The following NDST1 variants were observed in gnomAD, a reference collection of about 807,000 sequenced individuals.
NDST1 encodes the protein N-deacetylase and N-sulfotransferase 1.
NDST1 carries 35 observed loss-of-function variants against 92.8 expected under a neutral mutation model. The ratio of observed to expected loss-of-function variants is 0.38; its 90% CI spans 0.29 to 0.50. The LOEUF (loss-of-function observed/expected upper bound fraction) is 0.50. Among genes scored for constraint, NDST1 ranks in the 20% least tolerant of loss-of-function variants. NDST1 has a pLI of 0.94. For synonymous variants in NDST1, 493 were observed against 500.3 expected, an observed-to-expected ratio of 0.99 and a Z score of 0.19; for missense variants, 822 against 1,182.7, an observed-to-expected ratio of 0.69 and a Z score of 4.47.
upstream of NDST1, among the ~76,000 whole-genome samples, chr5:150,503,294 T>G (rs1042139258): frequency 2.0e-5 from 3 of 151,820 alleles, no homozygotes; most frequent in Admixed American, 6.6e-5. Flanking sequence ...AATACAAAAT[T>G]AGCCAGACAC....
In NDST1 at chr5:150,533,032, G is replaced by A. The variant is rs1207890832; in HGVS notation, c.1096G>A (p.Gly366Ser). The change falls in exon 4 of 15, where the codon GGT becomes AGT. Residue 366 changes from glycine to serine, a missense_variant and splice_region_variant. Physicochemically the swap from Gly to Ser is moderately conservative, Grantham distance 56. Transcript: ENST00000261797. ...CTACTCAGGGAAATTCTTCCACACA[G>A]GTAAGTGGGCCTGCCCCTGCCCTCA... is the stretch of plus-strand genomic sequence containing the variant. Reference protein sequence around the residue: ...LGYSGKFFHTGTNAEDAGDDL... With the variant: ...LGYSGKFFHTSTNAEDAGDDL... 1 of 1,614,028 alleles carries A rather than the reference G, an allele frequency of 6.2e-7. No individual in the cohort carries two copies. The highest frequency in any genetic ancestry group is 8.5e-7 in the Non-Finnish European group (1 of 1,179,910).
Position 150,548,403 on chromosome 5 carries a change from T to C in NDST1, c.2316+15T>C, listed in dbSNP as rs766385228. ...ACGCCAACCAGGTAGCTGCTGTCCC[T>C]GACCCTTGTGAGGGCAGTCACAGTA... On this transcript the variant is annotated intron_variant, in intron 12 of 14. Transcript: ENST00000261797. 1 of 1,607,236 alleles carries C rather than the reference T, an allele frequency of 6.2e-7. No homozygotes were observed. Among genetic ancestry groups the C allele is most frequent in the Non-Finnish European group, 8.5e-7 (1 of 1,179,824 alleles).
chr5:150,548,392 G>T lies in NDST1; in HGVS notation c.2316+4G>T. On this transcript the variant is annotated splice_donor_region_variant and intron_variant, in intron 12 of 14. Coordinates refer to ENST00000261797, the MANE Select transcript of NDST1 (RefSeq NM_001543.5). ...CAGTGCCTATCACGCCAACCAGGTAGCTGCTGTCCCTGACCCTTGTGAGGG... is the reference window on the plus strand; with the variant it reads ...CAGTGCCTATCACGCCAACCAGGTATCTGCTGTCCCTGACCCTTGTGAGGG... The T allele has an allele frequency of 6.2e-7, 1 of 1,609,980 alleles. No homozygotes were observed.
At chr5:150,503,181 G>GC (rs1753306052), upstream of NDST1, among the ~76,000 whole-genome samples, 1 of 152,198 alleles carries the variant, frequency 6.6e-6, no homozygotes, top group Non-Finnish European at 1.5e-5. Context: ...AGTGACTCGT[G>GC]CCTGTAATCC....
chr5:150,522,624 G>A (rs538687354), intron 2 of NDST1, among the ~76,000 whole-genome samples: 24 of 152,284 alleles, frequency 1.6e-4, no homozygotes, highest in African/African-American at 4.6e-4. Flanking sequence ...CTGTGCTAGC[G>A]GTGATCGAAG....
intron 1 of NDST1, among the ~76,000 whole-genome samples, chr5:150,499,083 G>A (rs768902513): frequency 6.6e-6 from 1 of 152,232 alleles, no homozygotes; most frequent in African/African-American, 2.4e-5. Context: ...TACCTCAGCT[G>A]CAGGGAAGTT....
intron 4 of NDST1, among the ~76,000 whole-genome samples, chr5:150,534,651 C>T (rs920422671): frequency 2.6e-5 from 4 of 152,230 alleles, no homozygotes; most frequent in African/African-American, 9.6e-5. Context: ...AGCAGATAGT[C>T]TTGGCCAAGG....
At position 150,521,902 on chromosome 5, in the gene NDST1, A is replaced by G. The variant is rs1164996262; in HGVS notation, c.513+135A>G. Reference sequence around the variant, plus strand: ...TTGGGAGGGTTAAATGAGTGAGTATATGTAAAGCACTGGGAGCATGCGGTG... The same window carrying G: ...TTGGGAGGGTTAAATGAGTGAGTATGTGTAAAGCACTGGGAGCATGCGGTG... On this transcript the variant is annotated intron_variant, in intron 2 of 14. Coordinates refer to ENST00000261797, the MANE Select transcript of NDST1 (RefSeq NM_001543.5). This position sits in a 1 kb window ranked among gnomAD's most constrained non-coding sequence, Gnocchi z 5.9. 3 of 1,178,994 alleles carry G rather than the reference A, an allele frequency of 2.5e-6. No homozygotes were observed. The African/African-American group carries it at 4.5e-5, about 18-fold the overall frequency. 73.0% of individuals were successfully genotyped at this position (1,178,994 alleles called of 1,614,324 possible). A position where few individuals can be genotyped will look rare whatever the true frequency, so the allele number is the denominator to read the frequency against.
intron 13 of NDST1, chr5:150,550,970 GTCA>G (rs138037058): frequency 0.024 from 3,678 of 152,972 alleles, 142 homozygotes; most frequent in East Asian, 0.16. Flanking sequence ...TATTGTCCTT[GTCA>G]TCATCATCAT....
At chr5:150,509,587 A>G (rs1364769861) in intron 1 of NDST1, among the ~76,000 whole-genome samples, 1 of 151,938 alleles carries the variant, frequency 6.6e-6, no homozygotes, top group African/African-American at 2.4e-5. Flanking sequence ...ATCTCGGCTC[A>G]CTGTAATCTC....
intron 1 of NDST1, among the ~76,000 whole-genome samples, chr5:150,501,021 G>A (rs938425772): frequency 1.3e-5 from 2 of 152,176 alleles, no homozygotes; most frequent in African/African-American, 4.8e-5. Context: ...CATCGTCACA[G>A]CCACCCCGGA....
At chr5:150,548,504 A>G (rs1363041995) in intron 12 of NDST1, 116 bp downstream of exon 12, 2 of 1,110,480 alleles carry the variant, frequency 1.8e-6, no homozygotes, top group Non-Finnish European at 2.6e-6. Flanking sequence ...CTCCTTGGAG[A>G]GCTAGACCCT....
chr5:150,545,529 G>A (rs373485438), intron 11 of NDST1, 43 bp downstream of exon 11: 55 of 1,607,698 alleles, frequency 3.4e-5, no homozygotes, highest in East Asian at 1.8e-4. Flanking sequence ...GGAACACAGG[G>A]CTCCGTCTGA....
upstream of NDST1, among the ~76,000 whole-genome samples, chr5:150,506,253 G>C (rs1753450790): frequency 1.3e-5 from 2 of 152,090 alleles, no homozygotes; most frequent in Admixed American, 1.3e-4. Flanking sequence ...CTGACTATAG[G>C]CACACGCCAC....
intron 1 of NDST1, among the ~76,000 whole-genome samples, chr5:150,513,946 T>G (rs1377609685): frequency 6.6e-6 from 1 of 152,240 alleles, no homozygotes; most frequent in Non-Finnish European, 1.5e-5. Context: ...GGCGTCTCCA[T>G]GACGACCAGA....
intron 1 of NDST1, among the ~76,000 whole-genome samples, chr5:150,502,399 G>A (rs1166160096): frequency 6.6e-6 from 1 of 152,178 alleles, no homozygotes; most frequent in African/African-American, 2.4e-5. Context: ...TTGAGGAACT[G>A]GAAGGACAGT....
In NDST1 at chr5:150,534,971, A is replaced by G. The variant is rs1291857221; in HGVS notation, c.1201A>G (p.Asn401Asp). Residue 401 changes from asparagine (N) to aspartate (D), a missense_variant, in exon 5 of 15, where the codon AAC (asparagine) becomes GAC (aspartate). Transcript: ENST00000261797. The stretch of plus-strand genomic sequence containing the variant: ...CCACATGCAGCCCCACCTTTTCCAC[A>G]ACCAGTCCGTGTTGGCCGAGCAGAT... ...WSHMQPHLFH[N>D]QSVLAEQMAL... The G allele has an allele frequency of 1.9e-6, 3 of 1,614,242 alleles. No individual in the cohort carries two copies. Among genetic ancestry groups the G allele is most frequent in the Non-Finnish European group, 2.5e-6 (3 of 1,180,050 alleles).
At chr5:150,505,406 C>T (rs1260211961), upstream of NDST1, among the ~76,000 whole-genome samples, 5 of 152,206 alleles carry the variant, frequency 3.3e-5, no homozygotes, top group Non-Finnish European at 5.9e-5. Context: ...GATTAAGAAC[C>T]AGACAGATGC....
Position 150,556,739 on chromosome 5 carries a change from C to T in NDST1, c.*3407C>T, listed in dbSNP as rs371061498. 2 of 152,364 alleles carry T rather than the reference C, an allele frequency of 1.3e-5. No individual in the cohort carries two copies. The highest frequency in any genetic ancestry group is 6.5e-5 in the Admixed American group (1 of 15,288). The allele number at this position is 152,364 out of a possible 1,614,324, so 9.4% of individuals were successfully genotyped here. The stretch of plus-strand genomic sequence containing the variant: ...CATTGGCCCAGTATCACAGCCAAGA[C>T]GAGAAGTCATTTCCCAGCGATGTCT... On this transcript the variant is annotated 3_prime_UTR_variant, in exon 15 of 15. Coordinates refer to ENST00000261797, the MANE Select transcript of NDST1 (RefSeq NM_001543.5).
Sources: gnomAD v4.1 joint callset for allele counts (sites outside exome capture counted in the v4.1 genomes callset) on GRCh38, gnomAD v4.1.1 for gene constraint, Gnocchi (gnomAD v3.1) non-coding constraint, MANE v1.5 for transcripts, NCBI Gene and HGNC (gene_info 2026-07-23, HGNC 2026-07-21) for gene names.